EXT2: variants seen among roughly 807,000 people sequenced by gnomAD.
EXT2 encodes exostosin glycosyltransferase 2.
In EXT2, 53 loss-of-function variants were observed where a neutral mutation model predicts 81.6. The observed-to-expected ratio is 0.65, with a 90% CI of 0.52 to 0.82. The LOEUF is 0.82. Ranked by LOEUF, EXT2 falls within the 40% of genes least tolerant of loss-of-function variation. EXT2 has a pLI of 0.00. For missense variants in EXT2, 774 were observed against 910.2 expected, an observed-to-expected ratio of 0.85 and a Z score of 1.93; for synonymous variants, 320 against 340.0, an observed-to-expected ratio of 0.94 and a Z score of 0.65.
chr11:44,184,794 G>A (rs1451546359), intron 8 of EXT2, among the ~76,000 whole-genome samples: 1 of 152,094 alleles, frequency 6.6e-6, no homozygotes, highest in Non-Finnish European at 1.5e-5. Context: ...CTGTGATGAA[G>A]CATTTGATTA....
intron 11 of EXT2, among the ~76,000 whole-genome samples, chr11:44,233,122 T>C: frequency 6.6e-6 from 1 of 152,282 alleles, no homozygotes; most frequent in Non-Finnish European, 1.5e-5. Flanking sequence ...TTTTTTAAGA[T>C]GTATGTACAT....
At chr11:44,163,967 T>C (rs998251625) in intron 7 of EXT2, among the ~76,000 whole-genome samples, 2 of 152,234 alleles carry the variant, frequency 1.3e-5, no homozygotes, top group Admixed American at 6.5e-5. Flanking sequence ...CTTCTGAGAC[T>C]ATAGTTACAC....
At chr11:44,186,438 A>G (rs975919260) in intron 8 of EXT2, among the ~76,000 whole-genome samples, 1 of 152,178 alleles carries the variant, frequency 6.6e-6, no homozygotes, top group African/African-American at 2.4e-5. Context: ...CTTATAAATG[A>G]TTGGCTTTCT....
At position 44,206,799 on chromosome 11, in the gene EXT2, T is replaced by G. The variant is rs1346599150; in HGVS notation, c.1502T>G (p.Leu501Arg). The G allele has an allele frequency of 2.5e-6, 4 of 1,614,032 alleles. No homozygotes were observed. The highest frequency in any genetic ancestry group is 2.2e-5 in the East Asian group (1 of 44,860). The change falls in exon 10 of 14, where the codon CTC (leucine) becomes CGC (arginine). Residue 501 changes from leucine (L) to arginine (R), a missense_variant. Transcript: ENST00000533608. ...ACCTTTTCTCTTTTTCCAGATTCTC[T>G]CTGGCCCAAAATCCGGGTTCCATTA... is the stretch of plus-strand genomic sequence containing the variant. ...NQNKNPPEDS[L>R]WPKIRVPLKV...
At chr11:44,235,225 C>CTTTTTTTTTTT (rs35214626) in intron 12 of EXT2, among the ~76,000 whole-genome samples, 13 of 50,770 alleles carry the variant, frequency 2.6e-4, no homozygotes, top group Admixed American at 3.2e-4. Context: ...CCCAAATTTG[C>CTTTTTTTTTTT]TTTTTTTTTT....
At chr11:44,204,289 T>TTTCCCATCA (rs1368309156) in intron 9 of EXT2, among the ~76,000 whole-genome samples, 2 of 152,228 alleles carry the variant, frequency 1.3e-5, no homozygotes, top group African/African-American at 4.8e-5. Flanking sequence ...AGTGACATCA[T>TTTCCCATCA]TTCCCACAGC....
Position 44,248,379 on chromosome 11 carries a change from C to A in EXT2, c.*4092C>A, listed in dbSNP as rs909875084. ...GCAACTTGAGCTTTCCACTGCAGGG[C>A]CTGGAGGCATATGAAACCTGTGGGG... On this transcript the variant is annotated 3_prime_UTR_variant, in exon 14 of 14. Transcript: ENST00000533608. 3.3e-5 allele frequency among the ~76,000 whole-genome samples: 5 copies of A among 152,188 alleles called. No individual in the cohort carries two copies. Among genetic ancestry groups the A allele is most frequent in the Non-Finnish European group, 1.5e-5 (1 of 68,048 alleles).
At chr11:44,162,554 G>A (rs1954941192) in intron 7 of EXT2, among the ~76,000 whole-genome samples, 1 of 148,718 alleles carries the variant, frequency 6.7e-6, no homozygotes, top group African/African-American at 2.5e-5. Flanking sequence ...CCAGCCTGGG[G>A]GACAGGGTGA....
chr11:44,207,287 A>G lies in EXT2; in HGVS notation c.1662+328A>G, dbSNP rs531084412. Among the ~76,000 whole-genome samples, 77 of 152,360 alleles carry G rather than the reference A, an allele frequency of 5.1e-4. 1 individual carries two copies. The highest frequency in any genetic ancestry group is 1.8e-3 in the African/African-American group (74 of 41,586). ...CTTGAATACCACTTCCCTTGACTCA[A>G]GCAGCTAGGCGCTGCAACAATAAAA... On this transcript the variant is annotated intron_variant, in intron 10 of 13. Coordinates refer to ENST00000533608, the MANE Select transcript of EXT2 (RefSeq NM_207122.2).
chr11:44,123,385 T>A (rs1464612225), intron 4 of EXT2, among the ~76,000 whole-genome samples: 1 of 152,234 alleles, frequency 6.6e-6, no homozygotes, highest in Non-Finnish European at 1.5e-5. Flanking sequence ...CCTAGTATTT[T>A]CCCTGGGCTG....
intron 7 of EXT2, among the ~76,000 whole-genome samples, chr11:44,131,601 C>G (rs1375506328): frequency 6.6e-6 from 1 of 152,226 alleles, no homozygotes; most frequent in African/African-American, 2.4e-5. Context: ...TGTTATTTAA[C>G]CACTGATTTC....
chr11:44,197,275 A>G (rs1955465911), intron 8 of EXT2, among the ~76,000 whole-genome samples: 1 of 152,004 alleles, frequency 6.6e-6, no homozygotes, highest in South Asian at 2.1e-4. Context: ...TCCTGTTTTC[A>G]ACCTTACCGC....
intron 10 of EXT2, among the ~76,000 whole-genome samples, chr11:44,218,108 G>T (rs1056250159): frequency 2.0e-5 from 3 of 152,172 alleles, no homozygotes; most frequent in African/African-American, 4.8e-5. Context: ...AACCTCCTGA[G>T]TGCTAATACA....
rs1489110857 is a variant in EXT2, at chr11:44,141,092, T to C, written c.1173+10954T>C. On this transcript the variant is annotated intron_variant, in intron 7 of 13. Transcript: ENST00000533608. ...GTGGGGGATTGGTTCCAGGACCTCC[T>C]GCAGATACCAGAACTCAAGGATGCT... is the stretch of plus-strand genomic sequence containing the variant. Among the ~76,000 whole-genome samples the C allele has an allele frequency of 2.8e-4, 43 of 152,210 alleles. 1 individual carries two copies. The highest frequency in any genetic ancestry group is 2.8e-3 in the Admixed American group (43 of 15,282).
intron 10 of EXT2, among the ~76,000 whole-genome samples, chr11:44,222,751 C>T (rs1955795452): frequency 6.6e-6 from 1 of 151,914 alleles, no homozygotes; most frequent in Non-Finnish European, 1.5e-5. Context: ...ACACCAAAAG[C>T]ATGATCCATA....
At chr11:44,171,168 G>A (rs1590618207) in intron 7 of EXT2, among the ~76,000 whole-genome samples, 1 of 152,194 alleles carries the variant, frequency 6.6e-6, no homozygotes, top group Non-Finnish European at 1.5e-5. Context: ...ATGAGATACT[G>A]ACTGGGAAAT....
chr11:44,165,574 G>C (rs1335870548), intron 7 of EXT2, among the ~76,000 whole-genome samples: 1 of 152,134 alleles, frequency 6.6e-6, no homozygotes, highest in Non-Finnish European at 1.5e-5. Flanking sequence ...GCCTTTGGCT[G>C]GTGTCCTGGG....
At chr11:44,153,908 A>T (rs1465933247) in intron 7 of EXT2, among the ~76,000 whole-genome samples, 1 of 151,816 alleles carries the variant, frequency 6.6e-6, no homozygotes, top group Non-Finnish European at 1.5e-5. Context: ...GTTGGATTTG[A>T]ATACTGGTTG....
intron 10 of EXT2, among the ~76,000 whole-genome samples, chr11:44,215,594 G>C (rs999192353): frequency 6.6e-6 from 1 of 152,178 alleles, no homozygotes; most frequent in African/African-American, 2.4e-5. Flanking sequence ...TACTAGGCCA[G>C]TTAGGTAAGT....
Sources: gnomAD v4.1 joint callset for allele counts (sites outside exome capture counted in the v4.1 genomes callset) on GRCh38, gnomAD v4.1.1 for gene constraint, MANE v1.5 for transcripts, NCBI Gene and HGNC (gene_info 2026-07-23, HGNC 2026-07-21) for gene names.